Variants in RARB observed in about 807,000 individuals in gnomAD.
RARB encodes the protein HBV-activated protein.
A neutral mutation model predicts 51.9 loss-of-function variants in RARB; 17 were observed. The ratio of observed to expected loss-of-function variants is 0.33; its 90% confidence interval spans 0.22 to 0.49. The LOEUF (loss-of-function observed/expected upper bound fraction) is 0.49, where lower values mean the gene tolerates loss of function less well. RARB is among the 20% of genes least tolerant of loss of function. The probability of loss-of-function intolerance (pLI) is 0.99; values close to 1 mark genes in which losing one functional copy is unlikely to be tolerated. For missense variants in RARB, 369 were observed against 550.8 expected (o/e 0.67, Z 3.30); for synonymous variants, 215 against 195.4 (o/e 1.10, Z -0.84).
chr3:25,260,271 A>G (rs1237296452), intron 5 of RARB, among the ~76,000 whole-genome samples: 1 of 152,146 alleles, frequency 6.6e-6, no homozygotes, highest in Non-Finnish European at 1.5e-5. Flanking sequence ...AAGCTGCAGT[A>G]TTTTGTATAG....
chr3:25,035,838 G>A (rs949529468), intron 2 of RARB, among the ~76,000 whole-genome samples: 4 of 152,158 alleles, frequency 2.6e-5, no homozygotes, highest in African/African-American at 7.2e-5. Context: ...CTTATAGGCT[G>A]TAGTTTGTGA....
At chr3:24,936,116 G>C (rs991114409) in intron 2 of RARB, among the ~76,000 whole-genome samples, 1 of 152,072 alleles carries the variant, frequency 6.6e-6, no homozygotes, top group African/African-American at 2.4e-5. Context: ...GATACTCTTT[G>C]AAATGTGTTT....
At chr3:25,107,537 C>A (rs1472865207) in intron 3 of RARB, among the ~76,000 whole-genome samples, 1 of 152,048 alleles carries the variant, frequency 6.6e-6, no homozygotes, top group African/African-American at 2.4e-5. Flanking sequence ...GGAAATAAAT[C>A]CAGTAGTCTT....
chr3:24,940,509 A>T (rs568662704), intron 2 of RARB, among the ~76,000 whole-genome samples: 1 of 152,322 alleles, frequency 6.6e-6, no homozygotes, highest in African/African-American at 2.4e-5. Flanking sequence ...CATTCAAGTG[A>T]ACTGTCTGGC....
At chr3:25,154,167 T>C (rs1360460435) in intron 4 of RARB, among the ~76,000 whole-genome samples, 1 of 152,248 alleles carries the variant, frequency 6.6e-6, no homozygotes, top group African/African-American at 2.4e-5. Context: ...TTATTCTATA[T>C]GATTTGACTT....
In RARB at chr3:25,554,176, G is replaced by GCAGGA. The variant is rs796562484; in HGVS notation, c.449-15582_449-15581insCAGGA. On this transcript the variant is annotated intron_variant, in intron 3 of 7. Coordinates refer to ENST00000330688, the MANE Select transcript of RARB (RefSeq NM_000965.5). ...TCTGTGCGTGGAGGTGTAGGGCAGGGGAACTCACTGCTGTGCAGAAAATAA... is the reference window on the plus strand; with the variant it reads ...TCTGTGCGTGGAGGTGTAGGGCAGGGCAGGAGAACTCACTGCTGTGCAGAAAATAA... 1.2e-4 allele frequency among the ~76,000 whole-genome samples: 18 copies of GCAGGA among 149,972 alleles called. 1 individual carries two copies. Among genetic ancestry groups the GCAGGA allele is most frequent in the African/African-American group, 4.4e-4 (18 of 40,664 alleles).
At chr3:25,456,318 C>T (rs529612645) in intron 1 of RARB, among the ~76,000 whole-genome samples, 42 of 152,124 alleles carry the variant, frequency 2.8e-4, no homozygotes, top group Admixed American at 5.2e-4. Flanking sequence ...GGCTGTCCCC[C>T]TGCTTATTTC....
intron 3 of RARB, among the ~76,000 whole-genome samples, chr3:25,105,497 A>G (rs1300941881): frequency 1.3e-5 from 2 of 150,764 alleles, no homozygotes; most frequent in African/African-American, 4.9e-5. Flanking sequence ...GTATGACTGC[A>G]CTGCTTCTGA....
At chr3:25,417,833 G>A (rs534025678) in intron 5 of RARB, among the ~76,000 whole-genome samples, 2 of 152,206 alleles carry the variant, frequency 1.3e-5, no homozygotes, top group African/African-American at 2.4e-5. Flanking sequence ...AAAAAATGAC[G>A]GCATAAATAA....
chr3:25,003,730 T>C (rs1697214278), intron 2 of RARB, among the ~76,000 whole-genome samples: 1 of 152,108 alleles, frequency 6.6e-6, no homozygotes, highest in Admixed American at 6.6e-5. Context: ...GGAAGTTACA[T>C]GGAATAAGGT....
intron 5 of RARB, among the ~76,000 whole-genome samples, chr3:25,289,794 A>G (rs322675): frequency 0.14 from 20,868 of 152,154 alleles, 1,724 homozygotes; most frequent in South Asian, 0.22. Context: ...CTGGATAGCA[A>G]TGGAATAAGT....
At chr3:25,527,240 C>T (rs1385561767) in intron 3 of RARB, among the ~76,000 whole-genome samples, 1 of 152,196 alleles carries the variant, frequency 6.6e-6, no homozygotes, top group Non-Finnish European at 1.5e-5. Flanking sequence ...GAGCAGTGAT[C>T]AGCAAGTGGC....
chr3:25,329,850 G>A (rs945136241), intron 5 of RARB, among the ~76,000 whole-genome samples: 3 of 152,122 alleles, frequency 2.0e-5, no homozygotes, highest in South Asian at 2.1e-4. Context: ...ACCATGGCAC[G>A]AGAACTACGT....
chr3:24,849,629 G>C (rs9837889), intron 1 of RARB, among the ~76,000 whole-genome samples: 1 of 152,110 alleles, frequency 6.6e-6, no homozygotes, highest in Non-Finnish European at 1.5e-5. Context: ...TCACACCTGA[G>C]AGAAGCTTCT....
chr3:25,025,666 C>A (rs1210381833), intron 2 of RARB, among the ~76,000 whole-genome samples: 1 of 152,066 alleles, frequency 6.6e-6, no homozygotes, highest in African/African-American at 2.4e-5. Context: ...TTAGAGGGAC[C>A]AGCTGCCAGG....
At chr3:25,292,576 G>A (rs778943756) in intron 5 of RARB, among the ~76,000 whole-genome samples, 12 of 152,164 alleles carry the variant, frequency 7.9e-5, no homozygotes, top group South Asian at 2.1e-4. Context: ...GAGAGCTTGC[G>A]TTGCTCTATG....
At chr3:25,484,731 C>G (rs538477177) in intron 2 of RARB, among the ~76,000 whole-genome samples, 6 of 152,306 alleles carry the variant, frequency 3.9e-5, no homozygotes, top group Admixed American at 3.3e-4. Flanking sequence ...AGCTAAGTCT[C>G]TGGCCCACAG....
intron 5 of RARB, among the ~76,000 whole-genome samples, chr3:25,393,256 A>G (rs1707023146): frequency 6.6e-6 from 1 of 151,440 alleles, no homozygotes; most frequent in South Asian, 2.1e-4. Context: ...ATCATTGCGG[A>G]TTATCTTTTG....
chr3:25,237,534 T>C (rs1310737130), intron 5 of RARB, among the ~76,000 whole-genome samples: 8 of 152,162 alleles, frequency 5.3e-5, no homozygotes, highest in Non-Finnish European at 4.4e-5. Flanking sequence ...TCCAAAAATA[T>C]AATGTAAAAC....
Sources: gnomAD v4.1 joint callset for allele counts (sites outside exome capture counted in the v4.1 genomes callset) on GRCh38, gnomAD v4.1.1 for gene constraint, MANE v1.5 for transcripts, NCBI Gene and HGNC (gene_info 2026-07-23, HGNC 2026-07-21) for gene names.